GOLGA4: variants seen among roughly 807,000 people sequenced by gnomAD.
The protein encoded by GOLGA4 is golgin A4.
In GOLGA4, 169 loss-of-function variants were observed where a neutral mutation model predicts 265.9. The ratio of observed to expected loss-of-function variants is 0.64; its 90% confidence interval spans 0.56 to 0.72. The LOEUF (loss-of-function observed/expected upper bound fraction) is 0.72, where lower values mean the gene tolerates loss of function less well. Among genes scored for constraint, GOLGA4 ranks in the 30% least tolerant of loss-of-function variants. The pLI is 0.00. For synonymous variants in GOLGA4, 923 were observed against 855.8 expected (o/e 1.08, Z -1.37); for missense variants, 2,482 against 2,483.4 (o/e 1.00, Z 0.01).
chr3:37,354,110 A>G (rs1455657636), intron 21 of GOLGA4, among the ~76,000 whole-genome samples: 2 of 152,076 alleles, frequency 1.3e-5, no homozygotes, highest in Non-Finnish European at 2.9e-5. Context: ...CCTGGAAATA[A>G]TTGTGATACT....
Position 37,318,060 on chromosome 3 carries a change from A to AT in GOLGA4, c.1414-993dup, listed in dbSNP as rs59697758. On this transcript the variant is annotated intron_variant, in intron 11 of 23. Coordinates refer to ENST00000361924, the MANE Select transcript of GOLGA4 (RefSeq NM_002078.5). The stretch of plus-strand genomic sequence containing the variant: ...TTTCTTCTGGCACTTTTATGGTTTC[A>AT]TTTTTTTTTTACTGTTAACATCTTT... 7.7e-3 allele frequency among the ~76,000 whole-genome samples: 1,112 copies of AT among 144,832 alleles called. 15 individuals carry two copies. The highest frequency in any genetic ancestry group is 0.026 in the African/African-American group (1,017 of 39,392).
chr3:37,303,882 T>C (rs182503029), intron 10 of GOLGA4, among the ~76,000 whole-genome samples: 2 of 152,358 alleles, frequency 1.3e-5, no homozygotes, highest in East Asian at 3.9e-4. Context: ...TATTTACTTG[T>C]ATTGCATCCT....
chr3:37,261,679 C>T (rs1256627116), intron 2 of GOLGA4, among the ~76,000 whole-genome samples: 1 of 152,084 alleles, frequency 6.6e-6, no homozygotes, highest in Non-Finnish European at 1.5e-5. Context: ...TTTTGTGTTA[C>T]AAGCTGAGAG....
At position 37,243,492 on chromosome 3, in the gene GOLGA4, T is replaced by A. The variant is rs1046617956; in HGVS notation, c.-59T>A. On this transcript the variant is annotated 5_prime_UTR_variant, in exon 1 of 24. Coordinates refer to ENST00000361924, the MANE Select transcript of GOLGA4 (RefSeq NM_002078.5). ...TCGCCGTAGCCGTCGCGGCCGGGAC[T>A]CCCCGGGCTCTCGCCCTTCAGGTTT... 1 of 1,491,366 alleles carries A rather than the reference T, an allele frequency of 6.7e-7. No homozygotes were observed. The highest frequency in any genetic ancestry group is 1.4e-5 in the African/African-American group (1 of 72,432). The allele number at this position is 1,491,366 out of a possible 1,614,324, so 92.4% of individuals were successfully genotyped here.
rs2096972119 is a variant in GOLGA4 at position 37,326,713 on chromosome 3, A to G, written c.4827A>G (p.Glu1609=). The G allele has an allele frequency of 6.2e-7, 1 of 1,613,596 alleles. No individual in the cohort carries two copies. The highest frequency in any genetic ancestry group is 8.5e-7 in the Non-Finnish European group (1 of 1,179,706). Residue 1609 remains glutamate, a synonymous_variant, in exon 14 of 24, where the codon GAA becomes GAG. Coordinates refer to ENST00000361924, the MANE Select transcript of GOLGA4 (RefSeq NM_002078.5). Reference sequence around the variant, plus strand: ...TTGAAACTAAGAAGAAAGAATTAGAACATGTGAATTTAAGTGTGAAAAGCA... The same window carrying G: ...TTGAAACTAAGAAGAAAGAATTAGAGCATGTGAATTTAAGTGTGAAAAGCA... ...AELETKKKEL[E]HVNLSVKSKE...
Position 37,324,130 on chromosome 3 carries a change from G to T in GOLGA4, c.2244G>T (p.Gln748His), listed in dbSNP as rs925226921. The change falls in exon 14 of 24, where the codon CAG becomes CAT. Residue 748 changes from glutamine to histidine, a missense_variant. Physicochemically the swap from Gln to His is conservative, Grantham distance 24 (BLOSUM62 0). This residue lies in a region of GOLGA4 where 1,536 missense variants were observed against 1,483.7 expected (regional missense o/e 1.04). Transcript: ENST00000361924. Reference sequence around the variant, plus strand: ...TTAAAGAACACGAGGTATCTATCCAGAGGACTGAGAAGGCATTAAAAGATC... The same window carrying T: ...TTAAAGAACACGAGGTATCTATCCATAGGACTGAGAAGGCATTAAAAGATC... ...SIIKEHEVSIQRTEKALKDQI... is the reference protein window; with the variant it reads ...SIIKEHEVSIHRTEKALKDQI... 1.2e-6 allele frequency: 2 copies of T among 1,613,964 alleles called. No individual in the cohort carries two copies. Among genetic ancestry groups the T allele is most frequent in the African/African-American group, 2.7e-5 (2 of 74,930 alleles).
chr3:37,325,289 C>G lies in GOLGA4; in HGVS notation c.3403C>G (p.His1135Asp). Reference protein sequence around the residue: ...LAQDETKLKAHLEKLEVDLNK... With the variant: ...LAQDETKLKADLEKLEVDLNK... Reference sequence around the variant, plus strand: ...ACAAGATGAAACTAAACTGAAAGCTCATCTTGAAAAGCTAGAGGTTGACTT... The same window carrying G: ...ACAAGATGAAACTAAACTGAAAGCTGATCTTGAAAAGCTAGAGGTTGACTT... Residue 1135 changes from histidine to aspartate, a missense_variant, in exon 14 of 24, where the codon CAT becomes GAT. By Grantham distance (81) the His-to-Asp change is moderately conservative. This residue lies in a region of GOLGA4 where 1,536 missense variants were observed against 1,483.7 expected (regional missense o/e 1.04). Coordinates refer to ENST00000361924, the MANE Select transcript of GOLGA4 (RefSeq NM_002078.5). The G allele has an allele frequency of 1.2e-6, 2 of 1,613,528 alleles. No individual in the cohort carries two copies. Among genetic ancestry groups the G allele is most frequent in the South Asian group, 1.1e-5 (1 of 90,912 alleles).
At chr3:37,351,171 A>G (rs764507699) in intron 21 of GOLGA4, among the ~76,000 whole-genome samples, 1 of 152,164 alleles carries the variant, frequency 6.6e-6, no homozygotes, top group Non-Finnish European at 1.5e-5. Context: ...TGTCATTTCA[A>G]CAATGTTCAC....
intron 22 of GOLGA4, among the ~76,000 whole-genome samples, chr3:37,360,855 GGGTAAA>G (rs1332779449): frequency 1.8e-4 from 27 of 152,138 alleles, no homozygotes; most frequent in Middle Eastern, 6.8e-3. Context: ...AAACTTTTTA[GGGTAAA>G]TTGAGATTAT....
intron 2 of GOLGA4, among the ~76,000 whole-genome samples, chr3:37,274,120 A>G (rs986902877): frequency 6.6e-6 from 1 of 150,808 alleles, no homozygotes; most frequent in Admixed American, 6.6e-5. Flanking sequence ...AAAAAAAGAT[A>G]ATAATAATAA....
Position 37,326,971 on chromosome 3 carries a change from T to G in GOLGA4, c.5085T>G (p.Leu1695=), listed in dbSNP as rs759975580. 6.2e-7 allele frequency: 1 copy of G among 1,613,884 alleles called. No homozygotes were observed. The highest frequency in any genetic ancestry group is 8.5e-7 in the Non-Finnish European group (1 of 1,179,856). The change falls in exon 14 of 24, where the codon CTT becomes CTG. Residue 1695 remains leucine, a synonymous_variant. Coordinates refer to ENST00000361924, the MANE Select transcript of GOLGA4 (RefSeq NM_002078.5). ...EREVHILEEK[L]KSVESSQSET... is the part of the protein sequence containing the mutation. Reference sequence around the variant, plus strand: ...AAGTTCACATCTTGGAAGAAAAACTTAAGTCAGTGGAAAGTTCACAGTCAG... The same window carrying G: ...AAGTTCACATCTTGGAAGAAAAACTGAAGTCAGTGGAAAGTTCACAGTCAG...
chr3:37,270,310 A>G (rs1245124170), intron 2 of GOLGA4, among the ~76,000 whole-genome samples: 3 of 148,204 alleles, frequency 2.0e-5, no homozygotes, highest in Non-Finnish European at 4.4e-5. Flanking sequence ...GATTAAAGCG[A>G]TTCTCCTGCC....
At chr3:37,312,808 G>A (rs1447517134) in intron 10 of GOLGA4, among the ~76,000 whole-genome samples, 2 of 152,056 alleles carry the variant, frequency 1.3e-5, no homozygotes, top group African/African-American at 4.8e-5. Flanking sequence ...ATAGGCATGA[G>A]CCCCCCACTG....
At position 37,243,391 on chromosome 3, in the gene GOLGA4, C is replaced by A; in HGVS notation, c.-160C>A. On this transcript the variant is annotated 5_prime_UTR_variant, in exon 1 of 24. Coordinates refer to ENST00000361924, the MANE Select transcript of GOLGA4 (RefSeq NM_002078.5). ...GGCGGCGACGCCGACACCCTCAGGA[C>A]GAGTGTCCGGACTTGCCCACAGCCT... is the stretch of plus-strand genomic sequence containing the variant. 1.5e-6 allele frequency: 1 copy of A among 650,716 alleles called. No individual in the cohort carries two copies. Among genetic ancestry groups the A allele is most frequent in the Non-Finnish European group, 2.8e-6 (1 of 360,550 alleles). 40.3% of individuals were successfully genotyped at this position (650,716 alleles called of 1,614,324 possible).
chr3:37,285,209 C>T (rs977242333), intron 3 of GOLGA4, among the ~76,000 whole-genome samples: 1 of 148,532 alleles, frequency 6.7e-6, no homozygotes, highest in African/African-American at 2.5e-5. Flanking sequence ...CTAAATTGCC[C>T]AGGCTGGTCT....
intron 3 of GOLGA4, among the ~76,000 whole-genome samples, chr3:37,283,732 G>A (rs1217929828): frequency 6.6e-6 from 1 of 152,022 alleles, no homozygotes; most frequent in African/African-American, 2.4e-5. Context: ...TTGCTATGTT[G>A]CCCAGCCTGG....
rs1213036569 is a variant in GOLGA4, at chr3:37,327,077, C to A, written c.5191C>A (p.Gln1731Lys). Residue 1731 changes from glutamine (Q) to lysine (K), a missense_variant, in exon 14 of 24, where the codon CAG (glutamine) becomes AAG (lysine). Physicochemically the swap from Gln to Lys is moderately conservative, Grantham distance 53. Coordinates refer to ENST00000361924, the MANE Select transcript of GOLGA4 (RefSeq NM_002078.5). ...AGAAGCAGATTCCCAAGGCTGTGTG[C>A]AGAAGACATATGAAGAAAAAATCAG... ...QEEADSQGCV[Q>K]KTYEEKISVL... is the part of the protein sequence containing the mutation. The A allele has an allele frequency of 7.4e-6, 12 of 1,613,582 alleles. 1 individual carries two copies. The highest frequency in any genetic ancestry group is 6.7e-5 in the Admixed American group (4 of 59,960).
intron 20 of GOLGA4, among the ~76,000 whole-genome samples, chr3:37,346,851 CAT>C (rs2097058205): frequency 6.6e-6 from 1 of 152,074 alleles, no homozygotes; most frequent in South Asian, 2.1e-4. Context: ...GCTCATCAGA[CAT>C]ATGTAAATGA....
At chr3:37,311,926 G>A (rs1287636074) in intron 10 of GOLGA4, among the ~76,000 whole-genome samples, 1 of 152,178 alleles carries the variant, frequency 6.6e-6, no homozygotes, top group Non-Finnish European at 1.5e-5. Flanking sequence ...GTTTGAAAAG[G>A]TGAGAACATT....
Sources: gnomAD v4.1 joint callset for allele counts (sites outside exome capture counted in the v4.1 genomes callset) on GRCh38, gnomAD v4.1.1 for gene constraint, gnomAD v4.1.1 regional missense constraint, MANE v1.5 for transcripts, NCBI Gene and HGNC (gene_info 2026-07-23, HGNC 2026-07-21) for gene names.